NEDD4L: variants seen among roughly 807,000 people sequenced by gnomAD.
NEDD4L encodes NEDD4 like E3 ubiquitin protein ligase.
Under a neutral mutation model 148.9 loss-of-function variants are expected in NEDD4L, and 54 were observed. The ratio of observed to expected loss-of-function variants is 0.36; its 90% CI spans 0.29 to 0.45. The LOEUF (loss-of-function observed/expected upper bound fraction) is 0.45, where lower values mean the gene tolerates loss of function less well. NEDD4L is among the 20% of genes least tolerant of loss of function. The pLI is 1.00. For missense variants in NEDD4L, 856 were observed against 1,233.8 expected, an observed-to-expected ratio of 0.69 and a Z score of 4.59; for synonymous variants, 433 against 440.7, an observed-to-expected ratio of 0.98 and a Z score of 0.22.
chr18:58,211,023 G>GA (rs1340009831), intron 2 of NEDD4L, among the ~76,000 whole-genome samples: 1 of 152,110 alleles, frequency 6.6e-6, no homozygotes, highest in African/African-American at 2.4e-5. Flanking sequence ...AAACCTATCT[G>GA]AAAAAGTTTA....
rs1403153817 is a variant in NEDD4L, at chr18:58,248,977, G to A, written c.243+40G>A. 5.0e-6 allele frequency: 5 copies of A among 1,005,330 alleles called. No homozygotes were observed. In the East Asian group the frequency reaches 8.0e-5, roughly 16 times the overall value. The allele number at this position is 1,005,330 out of a possible 1,614,324, so 62.3% of individuals were successfully genotyped here. ...GTTTGGTAATAATTGTTATTGATAC[G>A]TCTAGGTCGATTATCACAGTCAATT... On this transcript the variant is annotated intron_variant, in intron 4 of 30. Transcript: ENST00000400345.
intron 5 of NEDD4L, among the ~76,000 whole-genome samples, chr18:58,274,256 GAGTT>G (rs1366582233): frequency 1.3e-5 from 2 of 152,228 alleles, no homozygotes; most frequent in African/African-American, 4.8e-5. Context: ...ACACTCCTGA[GAGTT>G]AGTAAGTGGC....
intron 5 of NEDD4L, chr18:58,255,974 G>A (rs1050535731): frequency 2.3e-5 from 28 of 1,230,814 alleles, no homozygotes; most frequent in Non-Finnish European, 2.6e-5. Context: ...GCCGCCCGAG[G>A]GCGCCGACGA....
chr18:58,151,623 A>ATGTGTGTGTGTGTGTGTGTGTG (rs1491376739), intron 1 of NEDD4L, among the ~76,000 whole-genome samples: 10 of 56,604 alleles, frequency 1.8e-4, no homozygotes, highest in East Asian at 9.1e-4. Context: ...CTGTGCCTGG[A>ATGTGTGTGTGTGTGTGTGTGTG]TATGTGTGTG....
At chr18:58,148,057 T>C (rs2034290279) in intron 1 of NEDD4L, among the ~76,000 whole-genome samples, 1 of 152,106 alleles carries the variant, frequency 6.6e-6, no homozygotes, top group South Asian at 2.1e-4. Context: ...CCTTTTTTTT[T>C]TGGTCACTGA....
intron 5 of NEDD4L, among the ~76,000 whole-genome samples, chr18:58,304,784 A>G (rs867061804): frequency 1.6e-4 from 25 of 152,210 alleles, no homozygotes; most frequent in Admixed American, 1.3e-3. Context: ...AGGGTGAGCA[A>G]CCACTTGAAA....
intron 1 of NEDD4L, among the ~76,000 whole-genome samples, chr18:58,123,717 C>G (rs1443944128): frequency 2.0e-5 from 3 of 152,128 alleles, no homozygotes; most frequent in Non-Finnish European, 4.4e-5. Context: ...CTCCACACCT[C>G]CCATCATTCT....
chr18:58,347,205 G>GCC (rs138430099), intron 16 of NEDD4L, among the ~76,000 whole-genome samples: 901 of 39,560 alleles, frequency 0.023, 69 homozygotes, highest in Middle Eastern at 0.095. Context: ...TCACGCTACG[G>GCC]CCCCCCCCGC....
In NEDD4L at chr18:58,044,302, G is replaced by C. The variant is rs1354542426; in HGVS notation, c.-359G>C. On this transcript the variant is annotated 5_prime_UTR_variant, in exon 1 of 31. Transcript: ENST00000400345. ...CGGGAGCGCAGAGGAGGCTCGGAGG[G>C]GGGCGGAGAGCGGCGGGGCGGGAGG... is the stretch of plus-strand genomic sequence containing the variant. The C allele has an allele frequency of 1.3e-5, 2 of 152,820 alleles. No individual in the cohort carries two copies. Among genetic ancestry groups the C allele is most frequent in the Admixed American group, 1.3e-4 (2 of 15,178 alleles). The allele number at this position is 152,820 out of a possible 1,614,324, so 9.5% of individuals were successfully genotyped here.
intron 1 of NEDD4L, among the ~76,000 whole-genome samples, chr18:58,067,575 A>G (rs569771328): frequency 1.1e-4 from 17 of 152,312 alleles, no homozygotes; most frequent in African/African-American, 2.9e-4. Flanking sequence ...TGCAGTTCCC[A>G]TGGAATTGGG....
chr18:58,380,296 TTTTATTTATTTA>T (rs550029276), intron 24 of NEDD4L, among the ~76,000 whole-genome samples: 46 of 141,812 alleles, frequency 3.2e-4, no homozygotes, highest in African/African-American at 8.0e-4. Context: ...TTCTTTTTTA[TTTTATTTATTTA>T]TTTATTTATT....
chr18:58,291,524 G>C (rs566528167), intron 5 of NEDD4L, among the ~76,000 whole-genome samples: 8 of 152,280 alleles, frequency 5.3e-5, no homozygotes, highest in African/African-American at 1.9e-4. Flanking sequence ...TGTGTCAGTT[G>C]GCTGTTTTCT....
At chr18:58,391,445 G>T in intron 29 of NEDD4L, 42 bp from the exon 30 acceptor site, 1 of 1,475,534 alleles carries the variant, frequency 6.8e-7, no homozygotes, top group South Asian at 1.2e-5. Flanking sequence ...TCATTCTTCT[G>T]CCCCAAGCAA....
At chr18:58,195,571 G>A in intron 2 of NEDD4L, 2 of 1,339,238 alleles carry the variant, frequency 1.5e-6, no homozygotes, top group South Asian at 1.2e-5. Context: ...CCCCAGCACG[G>A]CACCTCCCAC....
At chr18:58,078,496 A>G (rs957007248) in intron 1 of NEDD4L, among the ~76,000 whole-genome samples, 3 of 152,082 alleles carry the variant, frequency 2.0e-5, no homozygotes, top group African/African-American at 7.2e-5. Flanking sequence ...TTCTCTCAGT[A>G]GTTGCTCTGT....
At chr18:58,332,475 C>G (rs1032543934) in intron 11 of NEDD4L, among the ~76,000 whole-genome samples, 2 of 152,100 alleles carry the variant, frequency 1.3e-5, no homozygotes, top group African/African-American at 4.8e-5. Flanking sequence ...TGGTGAAACC[C>G]CGTCTCTACT....
intron 5 of NEDD4L, among the ~76,000 whole-genome samples, chr18:58,262,004 C>G (rs1366299632): frequency 6.6e-6 from 1 of 152,172 alleles, no homozygotes; most frequent in African/African-American, 2.4e-5. Flanking sequence ...AAACCCACCT[C>G]AGAGTTGGCT....
intron 5 of NEDD4L, among the ~76,000 whole-genome samples, chr18:58,267,887 A>T (rs905674441): frequency 1.3e-5 from 2 of 151,922 alleles, no homozygotes; most frequent in Non-Finnish European, 2.9e-5. Context: ...TGCAAGCTTC[A>T]CCCCCATAGA....
At chr18:58,260,450 T>C (rs2049213268) in intron 5 of NEDD4L, among the ~76,000 whole-genome samples, 1 of 152,260 alleles carries the variant, frequency 6.6e-6, no homozygotes, top group Admixed American at 6.5e-5. Flanking sequence ...CTCATGTTTC[T>C]GTAGCACTTC....
Sources: gnomAD v4.1 joint callset for allele counts (sites outside exome capture counted in the v4.1 genomes callset) on GRCh38, gnomAD v4.1.1 for gene constraint, MANE v1.5 for transcripts, NCBI Gene and HGNC (gene_info 2026-07-23, HGNC 2026-07-21) for gene names.